The following KIF4A variants were observed in gnomAD, a reference collection of about 807,000 sequenced individuals.
The protein encoded by KIF4A is chromosome-associated kinesin KIF4A.
In KIF4A, 7 loss-of-function variants were observed where a neutral mutation model predicts 105.9. The ratio of observed to expected loss-of-function variants is 0.07; its 90% CI spans 0.04 to 0.12. KIF4A has a LOEUF of 0.12. KIF4A is among the 10% of genes least tolerant of loss of function. KIF4A has a pLI of 1.00. For synonymous variants in KIF4A, 281 were observed against 331.3 expected (o/e 0.85, Z 1.65); for missense variants, 558 against 929.2 (o/e 0.60, Z 5.19).
intron 15 of KIF4A, among the ~76,000 whole-genome samples, chrX:70,364,952 C>T (rs1279357214): frequency 9.0e-6 from 1 of 111,178 alleles, no homozygotes; most frequent in Non-Finnish European, 1.9e-5. Flanking sequence ...TGAAGAGGTC[C>T]TTCACATCCC....
intron 15 of KIF4A, among the ~76,000 whole-genome samples, chrX:70,372,842 C>A (rs2086145870): frequency 8.8e-6 from 1 of 113,063 alleles, no homozygotes; most frequent in African/African-American, 3.2e-5. Context: ...ATCTTCCCAA[C>A]AACCCTGTGA....
intron 7 of KIF4A, among the ~76,000 whole-genome samples, chrX:70,302,973 A>AT (rs1481508433): frequency 8.9e-6 from 1 of 112,224 alleles, no homozygotes; most frequent in Non-Finnish European, 1.9e-5. Context: ...TAAGGATATC[A>AT]TAAAATAGTT....
chrX:70,407,779 A>G (rs761388480), intron 28 of KIF4A, among the ~76,000 whole-genome samples: 1 of 112,554 alleles, frequency 8.9e-6, no homozygotes, highest in Non-Finnish European at 1.9e-5. Context: ...CAAAAAATCC[A>G]GTGAAGGGCC....
intron 28 of KIF4A, among the ~76,000 whole-genome samples, chrX:70,411,460 A>ATT (rs35035911): frequency 9.6e-6 from 1 of 103,810 alleles, no homozygotes; most frequent in African/African-American, 3.5e-5. Context: ...CAATCCTGGT[A>ATT]TTTTTTTTTT....
intron 3 of KIF4A, among the ~76,000 whole-genome samples, chrX:70,294,062 G>A (rs2085771268): frequency 9.0e-6 from 1 of 111,260 alleles, no homozygotes; most frequent in Non-Finnish European, 1.9e-5. Context: ...ATTGCACAGC[G>A]GAATAAACAT....
chrX:70,373,618 ATATATACG>A (rs1271202570), intron 15 of KIF4A, among the ~76,000 whole-genome samples: 619 of 15,387 alleles, frequency 0.04, 213 homozygotes, highest in African/African-American at 0.088. Flanking sequence ...ATACGTGTAT[ATATATACG>A]TATATATATA....
chrX:70,307,674 T>A (rs1276089425), intron 7 of KIF4A, among the ~76,000 whole-genome samples: 1 of 112,079 alleles, frequency 8.9e-6, no homozygotes, highest in Non-Finnish European at 1.9e-5. Flanking sequence ...TCTATTGATG[T>A]GATCACATGA....
chrX:70,394,778 A>G (rs926651144), intron 20 of KIF4A, among the ~76,000 whole-genome samples: 1 of 112,005 alleles, frequency 8.9e-6, no homozygotes, highest in Non-Finnish European at 1.9e-5. Context: ...ATTATATTCT[A>G]TTGAACAATC....
intron 15 of KIF4A, among the ~76,000 whole-genome samples, chrX:70,362,004 G>A (rs2086077747): frequency 8.9e-6 from 1 of 112,260 alleles, no homozygotes; most frequent in Non-Finnish European, 1.9e-5. Flanking sequence ...TCATGAATAA[G>A]GCGGACCTCC....
chrX:70,327,601 G>A (rs1391182623), intron 7 of KIF4A, among the ~76,000 whole-genome samples: 2 of 112,022 alleles, frequency 1.8e-5, no homozygotes, highest in East Asian at 5.6e-4. Flanking sequence ...AATAGAAAGT[G>A]AAGATAGGTT....
intron 7 of KIF4A, among the ~76,000 whole-genome samples, chrX:70,307,055 G>A (rs753527993): frequency 1.8e-5 from 2 of 109,685 alleles, no homozygotes; most frequent in South Asian, 8.0e-4. Context: ...TGAATGCCTG[G>A]CCTCAAGTGA....
intron 7 of KIF4A, among the ~76,000 whole-genome samples, chrX:70,308,515 T>C (rs776387140): frequency 3.6e-5 from 4 of 112,637 alleles, no homozygotes; most frequent in Admixed American, 1.9e-4. Flanking sequence ...ATATTTTTTA[T>C]TGGTGTTGCT....
chrX:70,381,578 G>A (rs1238855585), intron 18 of KIF4A, among the ~76,000 whole-genome samples: 1 of 111,923 alleles, frequency 8.9e-6, no homozygotes, highest in Non-Finnish European at 1.9e-5. Context: ...ATTAATAATA[G>A]GATCAATACA....
At chrX:70,403,215 CAAGAT>C (rs371970646) in intron 23 of KIF4A, among the ~76,000 whole-genome samples, 8 of 112,421 alleles carry the variant, frequency 7.1e-5, no homozygotes, top group African/African-American at 2.3e-4. Flanking sequence ...CATTTTCACT[CAAGAT>C]AAGCATACAA....
chrX:70,310,714 C>T (rs182597359), intron 7 of KIF4A, among the ~76,000 whole-genome samples: 10 of 111,325 alleles, frequency 9.0e-5, no homozygotes, highest in Non-Finnish European at 1.5e-4. Context: ...CAGTTTTTTA[C>T]GTTTTTTTGT....
chrX:70,370,305 C>T (rs982511367), intron 15 of KIF4A, among the ~76,000 whole-genome samples: 1 of 110,511 alleles, frequency 9.0e-6, no homozygotes, highest in Non-Finnish European at 1.9e-5. Flanking sequence ...AAGCTGATAA[C>T]AGTGCTTACT....
chrX:70,311,086 C>T (rs1258332989), intron 7 of KIF4A, among the ~76,000 whole-genome samples: 1 of 106,418 alleles, frequency 9.4e-6, no homozygotes, highest in Non-Finnish European at 1.9e-5. Flanking sequence ...GATCGCACCA[C>T]AGCACTCCAG....
intron 15 of KIF4A, among the ~76,000 whole-genome samples, chrX:70,367,602 A>C (rs1308504985): frequency 1.8e-5 from 2 of 111,792 alleles, no homozygotes; most frequent in Non-Finnish European, 3.8e-5. Flanking sequence ...GGCTTGTAGA[A>C]TTTCTGCCAA....
In KIF4A at chrX:70,420,125, C is replaced by T. The variant is rs1429533603; in HGVS notation, c.3559C>T (p.Pro1187Ser). 8.3e-7 allele frequency: 1 copy of T among 1,211,119 alleles called. No individual in the cohort carries two copies. ...LSKKTPPAPSPFDLPELKHVA... is the reference protein window; with the variant it reads ...LSKKTPPAPSSFDLPELKHVA... ...AAAGAAGACTCCCCCAGCTCCCTCCCCTTTTGACCTCCCAGAGTTGAAACA... is the reference window on the plus strand; with the variant it reads ...AAAGAAGACTCCCCCAGCTCCCTCCTCTTTTGACCTCCCAGAGTTGAAACA... The change falls in exon 31 of 31, where the codon CCT becomes TCT. Residue 1187 changes from proline to serine, a missense_variant. By Grantham distance (74) the Pro-to-Ser change is moderately conservative (BLOSUM62 -1). Around this residue, in one of 2 missense-constraint regions of KIF4A, gnomAD observed 469 missense variants for 680.4 expected, o/e 0.69. Transcript: ENST00000374403.
Sources: allele counts gnomAD v4.1 joint callset (sites outside exome capture counted in the v4.1 genomes callset), GRCh38; gene constraint gnomAD v4.1.1; regional missense constraint gnomAD v4.1.1; transcripts MANE v1.5; gene names NCBI Gene and HGNC (gene_info 2026-07-23, HGNC 2026-07-21).